Variants in GPM6A observed in about 807,000 individuals in gnomAD.
GPM6A encodes the protein glycoprotein M6A.
A neutral mutation model predicts 32.1 loss-of-function variants in GPM6A; 7 were observed. That is an observed-to-expected ratio of 0.22 (90% CI 0.12 to 0.41). The LOEUF is 0.41. Among genes scored for constraint, GPM6A ranks in the 10% least tolerant of loss-of-function variants. The pLI, the probability that GPM6A is intolerant of heterozygous loss-of-function variation, is 1.00. For synonymous variants in GPM6A, 130 were observed against 123.4 expected (o/e 1.05, Z -0.35); for missense variants, 235 against 347.2 (o/e 0.68, Z 2.57).
intron 1 of GPM6A, among the ~76,000 whole-genome samples, chr4:175,783,019 T>C (rs1733671665): frequency 6.6e-6 from 1 of 152,050 alleles, no homozygotes; most frequent in Admixed American, 6.6e-5. Context: ...AAAGTAATGC[T>C]ATTAAATTAT....
intron 1 of GPM6A, among the ~76,000 whole-genome samples, chr4:175,705,931 G>A (rs1244574934): frequency 6.6e-6 from 1 of 151,868 alleles, no homozygotes; most frequent in African/African-American, 2.4e-5. Flanking sequence ...TAGAACAGAT[G>A]GCTCAAATAG....
intron 1 of GPM6A, among the ~76,000 whole-genome samples, chr4:175,759,165 T>C (rs1429668930): frequency 6.6e-6 from 1 of 152,256 alleles, no homozygotes; most frequent in East Asian, 1.9e-4. Flanking sequence ...TCACTGTTAG[T>C]GTCTGAATAC....
chr4:175,822,370 C>CTTTTTAAAAAA, intron 1 of GPM6A, among the ~76,000 whole-genome samples: 1 of 152,064 alleles, frequency 6.6e-6, no homozygotes, highest in Non-Finnish European at 1.5e-5. Flanking sequence ...AAAAAGCTGT[C>CTTTTTAAAAAA]CACTTTAGGA....
At chr4:175,866,172 G>C (rs1736727258) in intron 1 of GPM6A, among the ~76,000 whole-genome samples, 1 of 152,070 alleles carries the variant, frequency 6.6e-6, no homozygotes. Flanking sequence ...TTAAAAGGAA[G>C]GTACAGAGAT....
chr4:175,722,769 C>T (rs1579427447), intron 1 of GPM6A, among the ~76,000 whole-genome samples: 1 of 152,120 alleles, frequency 6.6e-6, no homozygotes, highest in African/African-American at 2.4e-5. Context: ...TTTGACCAGC[C>T]GTCGTGGCTC....
chr4:175,768,932 C>T (rs1424398247), intron 1 of GPM6A, among the ~76,000 whole-genome samples: 3 of 151,866 alleles, frequency 2.0e-5, no homozygotes, highest in Non-Finnish European at 2.9e-5. Flanking sequence ...TCCATCTCTA[C>T]AAAAATACCA....
intron 1 of GPM6A, among the ~76,000 whole-genome samples, chr4:175,776,741 C>A (rs1370450111): frequency 3.3e-5 from 5 of 152,098 alleles, no homozygotes; most frequent in Non-Finnish European, 1.5e-5. Context: ...ATTTATCGAA[C>A]CCCCACCATG....
At chr4:175,702,211 T>A (rs999289993) in intron 1 of GPM6A, among the ~76,000 whole-genome samples, 2 of 152,220 alleles carry the variant, frequency 1.3e-5, no homozygotes, top group African/African-American at 4.8e-5. Flanking sequence ...GTCATAGTTA[T>A]ACAAGTTTTG....
At chr4:175,776,411 G>C (rs1337890428) in intron 1 of GPM6A, among the ~76,000 whole-genome samples, 1 of 152,156 alleles carries the variant, frequency 6.6e-6, no homozygotes, top group East Asian at 1.9e-4. Context: ...ACGGAATCAG[G>C]AAGGAGGGAC....
At chr4:175,730,679 A>C (rs1731388057) in intron 1 of GPM6A, among the ~76,000 whole-genome samples, 1 of 151,640 alleles carries the variant, frequency 6.6e-6, no homozygotes, top group Non-Finnish European at 1.5e-5. Context: ...TCACCGTGTT[A>C]GCCAGGATGG....
chr4:175,950,882 A>C (rs1331920817), intron 1 of GPM6A, among the ~76,000 whole-genome samples: 1 of 152,190 alleles, frequency 6.6e-6, no homozygotes, highest in Non-Finnish European at 1.5e-5. Context: ...AATTATCAAA[A>C]ATATTTAGTT....
At chr4:175,699,258 AT>A (rs1249802489) in intron 2 of GPM6A, among the ~76,000 whole-genome samples, 3 of 152,164 alleles carry the variant, frequency 2.0e-5, no homozygotes, top group African/African-American at 7.2e-5. Context: ...AATCTAGAGC[AT>A]TTTAATTATA....
intron 1 of GPM6A, among the ~76,000 whole-genome samples, chr4:175,867,009 T>C (rs1024076278): frequency 6.6e-6 from 1 of 152,214 alleles, no homozygotes; most frequent in Non-Finnish European, 1.5e-5. Flanking sequence ...TGACATGAAG[T>C]GTAGAGCATA....
chr4:175,877,855 T>C (rs1737134482), intron 1 of GPM6A, among the ~76,000 whole-genome samples: 1 of 152,134 alleles, frequency 6.6e-6, no homozygotes, highest in Non-Finnish European at 1.5e-5. Flanking sequence ...CAAAGTCTCC[T>C]CTACGACAAG....
chr4:175,820,353 T>TCA (rs1167024740), intron 1 of GPM6A, among the ~76,000 whole-genome samples: 4 of 152,176 alleles, frequency 2.6e-5, no homozygotes, highest in Admixed American at 6.5e-5. Context: ...CTGTTAATAA[T>TCA]CACTCAGGAC....
chr4:175,747,141 G>C (rs1470194122), intron 1 of GPM6A, among the ~76,000 whole-genome samples: 1 of 151,718 alleles, frequency 6.6e-6, no homozygotes, highest in Admixed American at 6.6e-5. Context: ...GTGGTGACAC[G>C]TGCCTGTAAT....
intron 1 of GPM6A, among the ~76,000 whole-genome samples, chr4:175,966,483 G>C (rs182605103): frequency 2.0e-5 from 3 of 150,908 alleles, no homozygotes; most frequent in Non-Finnish European, 1.5e-5. Context: ...CCAGTATGAT[G>C]GTCTTTGGAG....
chr4:175,897,382 A>C lies in GPM6A; in HGVS notation c.-22-85133T>G, dbSNP rs534986005. 5.3e-5 allele frequency among the ~76,000 whole-genome samples: 8 copies of C among 152,286 alleles called. No individual in the cohort carries two copies. The South Asian group carries it at 1.2e-3, about 24-fold the overall frequency. On this transcript the variant is annotated intron_variant, in intron 1 of 7. Coordinates refer to the GPM6A transcript ENST00000280187. ...TCCAGTGCCTCCCATTGATGGAATA[A>C]TCCAGCTGAAAGGAAGCCAGCTGAC...
intron 1 of GPM6A, among the ~76,000 whole-genome samples, chr4:175,968,647 C>T (rs1455371345): frequency 6.6e-6 from 1 of 152,054 alleles, no homozygotes; most frequent in Non-Finnish European, 1.5e-5. Context: ...CCAAAGATGA[C>T]ATAGAGATTA....
Sources: gnomAD v4.1 joint callset for allele counts (sites outside exome capture counted in the v4.1 genomes callset) on GRCh38, gnomAD v4.1.1 for gene constraint, MANE v1.5 for transcripts, NCBI Gene and HGNC (gene_info 2026-07-23, HGNC 2026-07-21) for gene names.